Variants in UNC79 observed in about 807,000 individuals in gnomAD.
The protein encoded by UNC79 is unc-79 subunit of NALCN channel complex.
UNC79 carries 37 observed loss-of-function variants against 283.1 expected under a neutral mutation model. The observed-to-expected ratio is 0.13, with a 90% CI of 0.10 to 0.17. The LOEUF is 0.17. Among genes scored for constraint, UNC79 ranks in the 10% least tolerant of loss-of-function variants. UNC79 has a pLI of 1.00. For missense variants in UNC79, 2,272 were observed against 3,211.1 expected (o/e 0.71, Z 7.07); for synonymous variants, 1,107 against 1,200.2 (o/e 0.92, Z 1.61).
intron 7 of UNC79, among the ~76,000 whole-genome samples, chr14:93,516,459 G>A (rs368442556): frequency 3.5e-5 from 4 of 113,282 alleles, no homozygotes; most frequent in African/African-American, 9.8e-5. Flanking sequence ...TTGGGGGGGG[G>A]GGTGGGGGAT....
Position 93,459,674 on chromosome 14 carries a change from C to CTTTTTTTTTTTTTT in UNC79, c.23-7996_23-7983dup, listed in dbSNP as rs34182907. On this transcript the variant is annotated intron_variant, in intron 1 of 48. Coordinates refer to ENST00000555664, the Ensembl canonical transcript of UNC79. ...TGTTTTTGAACTTTGGTTTATTCAA[C>CTTTTTTTTTTTTTT]TTTTTTTTTTTTTTGAGACGGAGTC... 7.8e-4 allele frequency among the ~76,000 whole-genome samples: 71 copies of CTTTTTTTTTTTTTT among 90,646 alleles called. 4 individuals are homozygous for CTTTTTTTTTTTTTT. The East Asian group carries it at 8.1e-3, about 10-fold the overall frequency. The allele number at this position is 90,646 out of a possible 152,430, so 59.5% of individuals were successfully genotyped here. A position where few individuals can be genotyped will look rare whatever the true frequency, so the allele number is the denominator to read the frequency against.
intron 35 of UNC79, among the ~76,000 whole-genome samples, chr14:93,650,917 A>C (rs540282203): frequency 6.6e-6 from 1 of 150,888 alleles, no homozygotes; most frequent in Non-Finnish European, 1.5e-5. Flanking sequence ...TGGTTTTCAT[A>C]TGTATATTTG....
At chr14:93,529,151 T>C (rs2060682108) in intron 9 of UNC79, 135 bp from the exon 10 acceptor site, 3 of 782,470 alleles carry the variant, frequency 3.8e-6, no homozygotes, top group Admixed American at 2.9e-5. Context: ...TTTTAAGAGT[T>C]TATTATGATA....
At chr14:93,428,940 C>T (rs2055788921), upstream of UNC79, among the ~76,000 whole-genome samples, 4 of 152,176 alleles carry the variant, frequency 2.6e-5, no homozygotes, top group South Asian at 2.1e-4. Context: ...TCTCCCTTAA[C>T]TCAGTAACGG....
chr14:93,421,661 A>G (rs1453210256), intron 1 of UNC79, among the ~76,000 whole-genome samples: 3 of 151,658 alleles, frequency 2.0e-5, no homozygotes, highest in Non-Finnish European at 4.4e-5. Flanking sequence ...AAAAAAAGAC[A>G]CTATAGGCCA....
chr14:93,479,409 T>C (rs2058001063), intron 4 of UNC79, among the ~76,000 whole-genome samples: 1 of 152,168 alleles, frequency 6.6e-6, no homozygotes, highest in Non-Finnish European at 1.5e-5. Flanking sequence ...GTGATTCTCC[T>C]GCCTCAGCCT....
At chr14:93,609,698 CT>C (rs1406374199) in intron 26 of UNC79, among the ~76,000 whole-genome samples, 1 of 151,932 alleles carries the variant, frequency 6.6e-6, no homozygotes. Flanking sequence ...AATTTCATAC[CT>C]TTTCTAGGTT....
intron 1 of UNC79, among the ~76,000 whole-genome samples, chr14:93,437,224 C>A (rs1021446269): frequency 6.6e-6 from 1 of 152,062 alleles, no homozygotes; most frequent in Non-Finnish European, 1.5e-5. Context: ...GAATCTTAAG[C>A]TCTCCAGGAA....
chr14:93,564,403 G>C (rs993653888), intron 14 of UNC79, among the ~76,000 whole-genome samples: 2 of 152,208 alleles, frequency 1.3e-5, no homozygotes, highest in Non-Finnish European at 1.5e-5. Context: ...GGACATGATC[G>C]GCAGGGAGAG....
chr14:93,630,927 A>G lies in UNC79; in HGVS notation c.5716+19A>G, dbSNP rs1368319209. The G allele has an allele frequency of 6.2e-7, 1 of 1,602,820 alleles. No individual in the cohort carries two copies. Among genetic ancestry groups the G allele is most frequent in the African/African-American group, 1.3e-5 (1 of 74,716 alleles). ...ATATCAAGTAAGATTTCCTCTGCTG[A>G]TTATTTCATCTATGCATTTATTTTG... On this transcript the variant is annotated intron_variant, in intron 31 of 48. Coordinates refer to ENST00000555664, the Ensembl canonical transcript of UNC79.
intron 14 of UNC79, 76 bp from the exon 15 acceptor site, chr14:93,571,818 C>A: frequency 1.3e-6 from 2 of 1,509,976 alleles, no homozygotes; most frequent in Admixed American, 1.8e-5. Flanking sequence ...GTACCCATTG[C>A]CTTAGGAAGT....
chr14:93,424,433 A>G (rs1275233219), intron 1 of UNC79, among the ~76,000 whole-genome samples: 1 of 152,250 alleles, frequency 6.6e-6, no homozygotes, highest in Non-Finnish European at 1.5e-5. Context: ...AGCACTGTTC[A>G]CAATAGCCAG....
intron 14 of UNC79, among the ~76,000 whole-genome samples, chr14:93,543,164 C>G (rs1340435857): frequency 6.6e-6 from 1 of 151,374 alleles, no homozygotes; most frequent in Non-Finnish European, 1.5e-5. Context: ...GATTACCATT[C>G]AAATAGGGGA....
chr14:93,496,356 G>T (rs2059012997), intron 5 of UNC79, 55 bp from the exon 6 acceptor site: 3 of 1,175,984 alleles, frequency 2.6e-6, no homozygotes. Flanking sequence ...TATATCAAAG[G>T]ATGTTTTGTC....
intron 1 of UNC79, among the ~76,000 whole-genome samples, chr14:93,363,538 ATTTGTTT>A (rs2054267459): frequency 6.6e-6 from 1 of 152,062 alleles, no homozygotes; most frequent in Non-Finnish European, 1.5e-5. Context: ...TGCTTTGAAG[ATTTGTTT>A]AATCCTATCA....
chr14:93,335,750 TGAGA>T (rs2053565061), intron 1 of UNC79, among the ~76,000 whole-genome samples: 1 of 152,178 alleles, frequency 6.6e-6, no homozygotes, highest in South Asian at 2.1e-4. Flanking sequence ...AGAAACAAAG[TGAGA>T]GAAAGGAAAA....
chr14:93,548,401 T>G (rs1168162919), intron 14 of UNC79, among the ~76,000 whole-genome samples: 1 of 152,224 alleles, frequency 6.6e-6, no homozygotes, highest in East Asian at 1.9e-4. Flanking sequence ...CTAAGAACTT[T>G]GCGGGGACAC....
chr14:93,512,426 T>G (rs913426217), intron 7 of UNC79, among the ~76,000 whole-genome samples: 2 of 152,150 alleles, frequency 1.3e-5, no homozygotes, highest in African/African-American at 4.8e-5. Context: ...TGGTTTTATG[T>G]TCTTCATCAG....
intron 4 of UNC79, among the ~76,000 whole-genome samples, chr14:93,478,598 AAATAAT>A (rs1180858093): frequency 6.6e-6 from 1 of 151,902 alleles, no homozygotes; most frequent in South Asian, 2.1e-4. Flanking sequence ...CTTTCTTATA[AAATAAT>A]AATAATAATA....
Sources: gnomAD v4.1 joint callset for allele counts (sites outside exome capture counted in the v4.1 genomes callset) on GRCh38, gnomAD v4.1.1 for gene constraint, MANE v1.5 for transcripts, NCBI Gene and HGNC (gene_info 2026-07-23, HGNC 2026-07-21) for gene names.